Variants in GRIK4 observed in about 807,000 individuals in gnomAD.
GRIK4 encodes glutamate ionotropic receptor kainate type subunit 4, also known as glutamate receptor ionotropic, kainate 4.
A neutral mutation model predicts 104.9 loss-of-function variants in GRIK4; 40 were observed. That is an observed-to-expected ratio of 0.38 (90% confidence interval 0.30 to 0.50). GRIK4 has a LOEUF of 0.50. GRIK4 is among the 20% of genes least tolerant of loss of function. The pLI, the probability that GRIK4 is intolerant of heterozygous loss-of-function variation, is 0.93. For missense variants in GRIK4, 1,047 were observed against 1,308.1 expected, an observed-to-expected ratio of 0.80 and a Z score of 3.08; for synonymous variants, 485 against 524.9, an observed-to-expected ratio of 0.92 and a Z score of 1.04.
At chr11:120,968,523 A>G (rs1284668749) in intron 19 of GRIK4, among the ~76,000 whole-genome samples, 1 of 152,220 alleles carries the variant, frequency 6.6e-6, no homozygotes, top group Non-Finnish European at 1.5e-5. Context: ...CAGTGAATGA[A>G]TAACTATGTG....
At chr11:120,875,915 C>T (rs1477659550) in intron 11 of GRIK4, among the ~76,000 whole-genome samples, 1 of 152,112 alleles carries the variant, frequency 6.6e-6, no homozygotes, top group Non-Finnish European at 1.5e-5. Context: ...CCCTCGCCAT[C>T]ACCCTAATAT....
chr11:120,777,155 A>T (rs937296601), intron 3 of GRIK4, among the ~76,000 whole-genome samples: 1 of 152,292 alleles, frequency 6.6e-6, no homozygotes, highest in South Asian at 2.1e-4. Context: ...TTCAAAGTTT[A>T]TCTTTGAGAT....
intron 3 of GRIK4, among the ~76,000 whole-genome samples, chr11:120,690,869 C>G (rs1017963705): frequency 6.6e-6 from 1 of 152,240 alleles, no homozygotes; most frequent in Non-Finnish European, 1.5e-5. Context: ...TTATGTGGCT[C>G]TGTCTCGCAT....
chr11:120,704,548 C>A (rs953438999), intron 3 of GRIK4, among the ~76,000 whole-genome samples: 7 of 152,142 alleles, frequency 4.6e-5, no homozygotes, highest in Admixed American at 1.3e-4. Flanking sequence ...CATTTAAATT[C>A]TTTAGATTGC....
chr11:120,660,682 C>T (rs1380361143), intron 3 of GRIK4, among the ~76,000 whole-genome samples: 1 of 152,194 alleles, frequency 6.6e-6, no homozygotes, highest in Non-Finnish European at 1.5e-5. Context: ...TAAGAGGCAG[C>T]TGTCGGGGAA....
intron 3 of GRIK4, among the ~76,000 whole-genome samples, chr11:120,755,981 C>T (rs1951644440): frequency 6.6e-6 from 1 of 152,134 alleles, no homozygotes; most frequent in Admixed American, 6.5e-5. Flanking sequence ...AGGATTAGGA[C>T]AGAGGTGTTC....
At chr11:120,875,452 TAAG>T (rs998580876) in intron 11 of GRIK4, among the ~76,000 whole-genome samples, 5 of 151,956 alleles carry the variant, frequency 3.3e-5, no homozygotes, top group African/African-American at 1.2e-4. Flanking sequence ...AGCAAAATAC[TAAG>T]AAGGAGAGAA....
At chr11:120,641,903 C>T (rs984886573) in intron 1 of GRIK4, among the ~76,000 whole-genome samples, 3 of 152,202 alleles carry the variant, frequency 2.0e-5, no homozygotes, top group South Asian at 4.1e-4. Context: ...ACACTTCTGA[C>T]GCTTTGGCTG....
intron 13 of GRIK4, among the ~76,000 whole-genome samples, chr11:120,919,663 T>C (rs1218928501): frequency 6.6e-6 from 1 of 152,160 alleles, no homozygotes; most frequent in African/African-American, 2.4e-5. Flanking sequence ...GGGAAAGAAC[T>C]GGAAGCAAAG....
chr11:120,895,929 C>T (rs1270875795), intron 11 of GRIK4, among the ~76,000 whole-genome samples: 1 of 152,230 alleles, frequency 6.6e-6, no homozygotes, highest in Non-Finnish European at 1.5e-5. Flanking sequence ...CAGGCCATAA[C>T]ATGGCCTGGC....
intron 3 of GRIK4, among the ~76,000 whole-genome samples, chr11:120,768,114 C>T (rs1316771725): frequency 1.3e-5 from 2 of 151,062 alleles, no homozygotes; most frequent in African/African-American, 4.9e-5. Context: ...TTAATAGGGG[C>T]TTTATTAAAC....
chr11:120,787,014 A>G (rs1157482125), intron 3 of GRIK4, among the ~76,000 whole-genome samples: 3 of 152,246 alleles, frequency 2.0e-5, no homozygotes, highest in Non-Finnish European at 4.4e-5. Flanking sequence ...TATATTGACT[A>G]GAGATTAAAA....
chr11:120,910,747 T>C (rs1224918508), intron 13 of GRIK4, among the ~76,000 whole-genome samples: 1 of 152,138 alleles, frequency 6.6e-6, no homozygotes, highest in Non-Finnish European at 1.5e-5. Context: ...CACTCTTTGA[T>C]AGGGGCCCCA....
intron 5 of GRIK4, among the ~76,000 whole-genome samples, chr11:120,816,189 T>A: frequency 6.6e-6 from 1 of 152,208 alleles, no homozygotes; most frequent in Middle Eastern, 3.4e-3. Flanking sequence ...CCCTCCTTTT[T>A]CCCCAGAGAA....
At chr11:120,784,371 A>G (rs1338174728) in intron 3 of GRIK4, among the ~76,000 whole-genome samples, 1 of 152,176 alleles carries the variant, frequency 6.6e-6, no homozygotes, top group Non-Finnish European at 1.5e-5. Context: ...CAATCGAAGT[A>G]ATGGCCCTCC....
chr11:120,986,947 C>G lies in GRIK4; in HGVS notation c.*687C>G, dbSNP rs1159130210. ...GGTGACTGAGGGGCCTGCAGGAGCA[C>G]AGGAGAAGGAGTCTTGGGAAGAATC... On this transcript the variant is annotated 3_prime_UTR_variant, in exon 21 of 21. Transcript: ENST00000527524. 6.6e-6 allele frequency: 1 copy of G among 152,222 alleles called. No homozygotes were observed. Among genetic ancestry groups the G allele is most frequent in the African/African-American group, 2.4e-5 (1 of 41,424 alleles). The allele number at this position is 152,222 out of a possible 1,614,324, so 9.4% of individuals were successfully genotyped here.
At chr11:120,711,295 C>T (rs1007736003) in intron 3 of GRIK4, among the ~76,000 whole-genome samples, 2 of 152,158 alleles carry the variant, frequency 1.3e-5, no homozygotes, top group Admixed American at 1.3e-4. Context: ...GGCATTAAAC[C>T]TTGGGTCTTA....
At chr11:120,660,439 T>C in intron 3 of GRIK4, 39 bp downstream of exon 3, 3 of 1,470,528 alleles carry the variant, frequency 2.0e-6, no homozygotes, top group Non-Finnish European at 1.9e-6. Context: ...CCCCACCCAC[T>C]ATCCCAGGTG....
chr11:120,713,792 CTGCTT>C (rs1244784934), intron 3 of GRIK4, among the ~76,000 whole-genome samples: 1 of 152,170 alleles, frequency 6.6e-6, no homozygotes, highest in African/African-American at 2.4e-5. Context: ...ACTTAGGTGA[CTGCTT>C]TGCTAGCTTT....
Sources: gnomAD v4.1 joint callset for allele counts (sites outside exome capture counted in the v4.1 genomes callset) on GRCh38, gnomAD v4.1.1 for gene constraint, MANE v1.5 for transcripts, NCBI Gene and HGNC (gene_info 2026-07-23, HGNC 2026-07-21) for gene names.